Variants in LINGO2 observed in about 807,000 individuals in gnomAD.
LINGO2 encodes the protein leucine rich repeat and Ig domain containing 2, also known as leucine-rich repeat and immunoglobulin-like domain-containing nogo receptor-interacting protein 2.
In LINGO2, 14 loss-of-function variants were observed where a neutral mutation model predicts 30.6. The observed-to-expected ratio is 0.46, with a 90% CI of 0.30 to 0.72. The LOEUF (loss-of-function observed/expected upper bound fraction) is 0.72, where lower values mean the gene tolerates loss of function less well. Among genes scored for constraint, LINGO2 ranks in the 30% least tolerant of loss-of-function variants. The pLI is 0.07. For synonymous variants in LINGO2, 317 were observed against 288.5 expected, an observed-to-expected ratio of 1.10 and a Z score of -1.00; for missense variants, 729 against 751.7, an observed-to-expected ratio of 0.97 and a Z score of 0.35.
At chr9:28,944,136 G>C in the LINGO2 span, among the ~76,000 whole-genome samples, 4,013 of 152,174 alleles carry the variant, frequency 0.026, 211 homozygotes, top group African/African-American at 0.092. Context: ...ACCACATCTA[G>C]ACAGTTATCT....
At chr9:28,958,418 T>C in the LINGO2 span, among the ~76,000 whole-genome samples, 5 of 152,048 alleles carry the variant, frequency 3.3e-5, no homozygotes, top group Admixed American at 6.6e-5. Flanking sequence ...AATACAGTAA[T>C]GGCAAAACAA....
intron 1 of LINGO2, among the ~76,000 whole-genome samples, chr9:28,628,711 G>A (rs1826798015): frequency 6.6e-6 from 1 of 152,050 alleles, no homozygotes; most frequent in African/African-American, 2.4e-5. Context: ...CTTGATTTCT[G>A]CTTTCATAAA....
intron 5 of LINGO2, among the ~76,000 whole-genome samples, chr9:27,955,953 T>G (rs1328820565): frequency 6.7e-6 from 1 of 148,222 alleles, no homozygotes; most frequent in African/African-American, 2.5e-5. Flanking sequence ...TTTTTTTTTT[T>G]TTTGAGACGG....
chr9:28,235,152 A>C (rs1485606746), intron 4 of LINGO2, among the ~76,000 whole-genome samples: 1 of 152,178 alleles, frequency 6.6e-6, no homozygotes, highest in Non-Finnish European at 1.5e-5. Context: ...CCACATATGC[A>C]GTTTCAAGTG....
chr9:28,104,956 CTA>C (rs1250559354), intron 4 of LINGO2, among the ~76,000 whole-genome samples: 3 of 152,096 alleles, frequency 2.0e-5, no homozygotes, highest in African/African-American at 7.2e-5. Context: ...GCTGGGCTCA[CTA>C]TATAACAGAT....
At position 28,421,785 on chromosome 9, in the gene LINGO2, T is replaced by C. The variant is rs1318810876; in HGVS notation, c.-278-48917A>G. On this transcript the variant is annotated intron_variant, in intron 2 of 5. Coordinates refer to ENST00000379992, the Ensembl canonical transcript of LINGO2. ...GGTCAACTATACCAAGCTACAATAA[T>C]CATGACAGTGTGGTCCTTGCATAAA... Among the ~76,000 whole-genome samples, 9 of 152,080 alleles carry C rather than the reference T, an allele frequency of 5.9e-5. No individual in the cohort carries two copies. The East Asian group carries it at 1.7e-3, about 29-fold the overall frequency.
At chr9:27,987,025 A>T (rs1264720119) in intron 5 of LINGO2, among the ~76,000 whole-genome samples, 1 of 151,380 alleles carries the variant, frequency 6.6e-6, no homozygotes, top group Non-Finnish European at 1.5e-5. Flanking sequence ...CATCTCACTT[A>T]TGGTCGACTT....
At chr9:28,916,842 T>C in the LINGO2 span, among the ~76,000 whole-genome samples, 1 of 152,354 alleles carries the variant, frequency 6.6e-6, no homozygotes, top group East Asian at 1.9e-4. Flanking sequence ...TAGGTGTATA[T>C]TCTACACTGT....
the LINGO2 span, among the ~76,000 whole-genome samples, chr9:29,136,663 T>C: frequency 1.3e-5 from 2 of 152,172 alleles, no homozygotes; most frequent in Non-Finnish European, 2.9e-5. Flanking sequence ...ATCTTCCACT[T>C]ATTAAATATT....
chr9:28,894,666 T>C, the LINGO2 span, among the ~76,000 whole-genome samples: 1 of 151,910 alleles, frequency 6.6e-6, no homozygotes, highest in Non-Finnish European at 1.5e-5. Context: ...TACATTTTAA[T>C]AATATATAAT....
At chr9:28,509,637 A>G (rs1820290982) in intron 1 of LINGO2, among the ~76,000 whole-genome samples, 1 of 152,180 alleles carries the variant, frequency 6.6e-6, no homozygotes, top group East Asian at 1.9e-4. Context: ...ACGAGGTCAT[A>G]AGGGTGGGAC....
chr9:28,835,986 A>G, the LINGO2 span, among the ~76,000 whole-genome samples: 7 of 152,180 alleles, frequency 4.6e-5, no homozygotes. Flanking sequence ...CAGAACCTGG[A>G]TATATCACAT....
intron 4 of LINGO2, among the ~76,000 whole-genome samples, chr9:28,163,462 A>G (rs1182762194): frequency 1.3e-5 from 2 of 152,148 alleles, no homozygotes; most frequent in East Asian, 3.9e-4. Context: ...CCAATAGTTT[A>G]AAATTTTTCA....
intron 1 of LINGO2, among the ~76,000 whole-genome samples, chr9:28,626,710 C>T (rs1330816709): frequency 6.6e-6 from 1 of 151,916 alleles, no homozygotes; most frequent in Non-Finnish European, 1.5e-5. Flanking sequence ...CTCTGTTCTC[C>T]AATTTAGATA....
At chr9:28,128,381 T>C (rs1304052880) in intron 4 of LINGO2, among the ~76,000 whole-genome samples, 1 of 152,158 alleles carries the variant, frequency 6.6e-6, no homozygotes, top group Admixed American at 6.5e-5. Flanking sequence ...TTAAAAATTG[T>C]CATGAAAAGG....
intron 4 of LINGO2, among the ~76,000 whole-genome samples, chr9:28,239,897 C>T (rs1364461673): frequency 1.3e-5 from 2 of 152,004 alleles, no homozygotes; most frequent in African/African-American, 4.8e-5. Flanking sequence ...AAAGATTCTA[C>T]AAGAAAACTA....
chr9:28,943,587 G>T, the LINGO2 span, among the ~76,000 whole-genome samples: 4 of 152,212 alleles, frequency 2.6e-5, no homozygotes, highest in Non-Finnish European at 5.9e-5. Context: ...CAAGGACTCT[G>T]AAGTTCGTCT....
chr9:28,322,806 C>A (rs2134308031), intron 3 of LINGO2, among the ~76,000 whole-genome samples: 1 of 152,180 alleles, frequency 6.6e-6, no homozygotes, highest in East Asian at 1.9e-4. Flanking sequence ...TTGATATATT[C>A]AAAGACACAA....
At chr9:28,697,555 A>G in the LINGO2 span, among the ~76,000 whole-genome samples, 1 of 152,012 alleles carries the variant, frequency 6.6e-6, no homozygotes, top group African/African-American at 2.4e-5. Flanking sequence ...TTTGTATCTA[A>G]AAGTCTGGGT....
Sources: gnomAD v4.1 joint callset for allele counts (sites outside exome capture counted in the v4.1 genomes callset) on GRCh38, gnomAD v4.1.1 for gene constraint, MANE v1.5 for transcripts, NCBI Gene and HGNC (gene_info 2026-07-23, HGNC 2026-07-21) for gene names.